Variants in FNDC3B observed in about 807,000 individuals in gnomAD.
The protein encoded by FNDC3B is fibronectin type III domain containing 3B, also known as fibronectin type III domain-containing protein 3B.
FNDC3B carries 12 observed loss-of-function variants against 151.5 expected under a neutral mutation model. The ratio of observed to expected loss-of-function variants is 0.08; its 90% CI spans 0.05 to 0.13. The LOEUF (loss-of-function observed/expected upper bound fraction) is 0.13, where lower values mean the gene tolerates loss of function less well. Ranked by LOEUF, FNDC3B falls within the 10% of genes least tolerant of loss-of-function variation. The pLI, the probability that FNDC3B is intolerant of heterozygous loss-of-function variation, is 1.00. For missense variants in FNDC3B, 1,214 were observed against 1,505.3 expected (o/e 0.81, Z 3.20); for synonymous variants, 528 against 549.0 (o/e 0.96, Z 0.54).
chr3:172,349,524 T>C (rs949692357), intron 21 of FNDC3B, among the ~76,000 whole-genome samples: 1 of 152,154 alleles, frequency 6.6e-6, no homozygotes, highest in Non-Finnish European at 1.5e-5. Context: ...TCAAGAAATG[T>C]TTTCCATAGA....
chr3:172,211,501 A>G (rs1376048059), intron 3 of FNDC3B, among the ~76,000 whole-genome samples: 1 of 152,242 alleles, frequency 6.6e-6, no homozygotes, highest in Admixed American at 6.5e-5. Flanking sequence ...GCAAAGGGGC[A>G]TAGATAAGGT....
intron 3 of FNDC3B, among the ~76,000 whole-genome samples, chr3:172,163,652 G>C (rs1722883169): frequency 6.6e-6 from 1 of 152,102 alleles, no homozygotes; most frequent in South Asian, 2.1e-4. Context: ...GTGGGTAGCT[G>C]TTCGTTCATT....
intron 23 of FNDC3B, among the ~76,000 whole-genome samples, chr3:172,376,659 T>C (rs969803345): frequency 2.6e-5 from 4 of 152,044 alleles, no homozygotes; most frequent in African/African-American, 9.7e-5. Context: ...TATTTGTGGG[T>C]TTCAGCCTGG....
chr3:172,057,304 G>T (rs1716963979), intron 1 of FNDC3B, among the ~76,000 whole-genome samples: 1 of 152,190 alleles, frequency 6.6e-6, no homozygotes, highest in African/African-American at 2.4e-5. Context: ...ATGGTGTAAA[G>T]ACACCACTGT....
chr3:172,210,791 A>G (rs1725695918), intron 3 of FNDC3B, among the ~76,000 whole-genome samples: 1 of 152,238 alleles, frequency 6.6e-6, no homozygotes, highest in Admixed American at 6.5e-5. Context: ...GGAAGCAAAT[A>G]TTCTTTTTTC....
At chr3:172,358,520 C>T (rs1458929607) in intron 22 of FNDC3B, among the ~76,000 whole-genome samples, 1 of 152,218 alleles carries the variant, frequency 6.6e-6, no homozygotes, top group Non-Finnish European at 1.5e-5. Flanking sequence ...AGTCCTTGGC[C>T]ATTACTTGGA....
intron 1 of FNDC3B, among the ~76,000 whole-genome samples, chr3:172,088,179 G>T (rs1268079876): frequency 6.6e-5 from 10 of 152,114 alleles, no homozygotes; most frequent in Non-Finnish European, 1.3e-4. Flanking sequence ...GCTAAACAAG[G>T]TACTTTCTAG....
chr3:172,336,480 C>T (rs185755516), intron 15 of FNDC3B, among the ~76,000 whole-genome samples: 39 of 152,284 alleles, frequency 2.6e-4, no homozygotes, highest in Non-Finnish European at 3.8e-4. Flanking sequence ...ACCACATTCA[C>T]CTGGGATGCT....
intron 6 of FNDC3B, among the ~76,000 whole-genome samples, chr3:172,278,536 G>A (rs1045838713): frequency 6.6e-6 from 1 of 152,180 alleles, no homozygotes; most frequent in Admixed American, 6.5e-5. Flanking sequence ...GAAAGGACTG[G>A]TGCTAGAGTT....
intron 11 of FNDC3B, among the ~76,000 whole-genome samples, chr3:172,322,408 A>G (rs1398331557): frequency 6.6e-6 from 1 of 151,956 alleles, no homozygotes; most frequent in African/African-American, 2.4e-5. Context: ...CTTCATTTCC[A>G]CTCCAGCCTT....
intron 6 of FNDC3B, among the ~76,000 whole-genome samples, chr3:172,263,467 T>G (rs1190997764): frequency 6.6e-6 from 1 of 152,128 alleles, no homozygotes; most frequent in East Asian, 1.9e-4. Context: ...TATCTTTTGT[T>G]GGAATGTTGC....
intron 3 of FNDC3B, among the ~76,000 whole-genome samples, chr3:172,196,949 G>A (rs1724866621): frequency 6.6e-6 from 1 of 152,190 alleles, no homozygotes; most frequent in Admixed American, 6.5e-5. Context: ...TTGGGAGGCT[G>A]AGGCGGACGG....
At chr3:172,102,936 T>A (rs559820157) in intron 1 of FNDC3B, among the ~76,000 whole-genome samples, 1 of 152,374 alleles carries the variant, frequency 6.6e-6, no homozygotes, top group South Asian at 2.1e-4. Context: ...CATGTTTGGA[T>A]GCTGTGACCA....
intron 3 of FNDC3B, among the ~76,000 whole-genome samples, chr3:172,220,347 C>T (rs748165533): frequency 2.6e-5 from 4 of 152,108 alleles, no homozygotes; most frequent in Non-Finnish European, 5.9e-5. Flanking sequence ...TATTCAATTC[C>T]TTTAGCCATT....
intron 14 of FNDC3B, among the ~76,000 whole-genome samples, chr3:172,333,911 G>A (rs376133666): frequency 6.6e-5 from 10 of 151,314 alleles, no homozygotes; most frequent in African/African-American, 2.4e-4. Flanking sequence ...TACCTGGGCT[G>A]TCTTTGGTCA....
chr3:172,246,177 C>T (rs4481179), intron 4 of FNDC3B, among the ~76,000 whole-genome samples: 1 of 150,220 alleles, frequency 6.7e-6, no homozygotes, highest in Admixed American at 6.6e-5. Flanking sequence ...CAGTTTTGTG[C>T]GGTTTTTAGA....
rs780399563 is a variant in FNDC3B, at chr3:172,112,504, G to C, written c.25G>C (p.Asp9His). Residue 9 changes from aspartate to histidine, a missense_variant, in exon 2 of 26, where the codon GAC (aspartate) becomes CAC (histidine). This residue lies in a region of FNDC3B where 113 missense variants were observed against 177.8 expected (regional missense o/e 0.64). Coordinates refer to ENST00000415807, the MANE Select transcript of FNDC3B (RefSeq NM_022763.4). The stretch of plus-strand genomic sequence containing the variant: ...AATGTACGTCACAATGATGATGACC[G>C]ACCAAATCCCTCTGGAACTGCCACC... MYVTMMMT[D>H]QIPLELPPLL... 2 of 1,613,900 alleles carry C rather than the reference G, an allele frequency of 1.2e-6. No homozygotes were observed. The highest frequency in any genetic ancestry group is 2.2e-5 in the East Asian group (1 of 44,880).
intron 3 of FNDC3B, among the ~76,000 whole-genome samples, chr3:172,192,146 A>G (rs1348214220): frequency 6.6e-6 from 1 of 150,734 alleles, no homozygotes; most frequent in African/African-American, 2.4e-5. Context: ...CCAAATACAC[A>G]GAAGACTGTT....
intron 1 of FNDC3B, among the ~76,000 whole-genome samples, chr3:172,070,334 G>A (rs768320859): frequency 7.2e-5 from 11 of 152,244 alleles, no homozygotes; most frequent in Non-Finnish European, 1.0e-4. Context: ...GTACATCTTG[G>A]ACTCAAGAAT....
Sources: gnomAD v4.1 joint callset for allele counts (sites outside exome capture counted in the v4.1 genomes callset) on GRCh38, gnomAD v4.1.1 for gene constraint, gnomAD v4.1.1 regional missense constraint, MANE v1.5 for transcripts, NCBI Gene and HGNC (gene_info 2026-07-23, HGNC 2026-07-21) for gene names.